SETD7: variants seen among roughly 807,000 people sequenced by gnomAD.
The protein encoded by SETD7 is SET domain containing 7, histone lysine methyltransferase, also known as histone-lysine N-methyltransferase SETD7.
In SETD7, 16 loss-of-function variants were observed where a neutral mutation model predicts 41.8. That is an observed-to-expected ratio of 0.38 (90% CI 0.26 to 0.58). The LOEUF is 0.58. Among genes scored for constraint, SETD7 ranks in the 20% least tolerant of loss-of-function variants. The pLI, the probability that SETD7 is intolerant of heterozygous loss-of-function variation, is 0.64. For missense variants in SETD7, 346 were observed against 459.7 expected (o/e 0.75, Z 2.26); for synonymous variants, 163 against 169.7 (o/e 0.96, Z 0.31).
At position 139,555,085 on chromosome 4, in the gene SETD7, A is replaced by G. The variant is rs1728217626; in HGVS notation, c.40+1013T>C. On this transcript the variant is annotated intron_variant, in intron 1 of 7. Transcript: ENST00000274031. This position sits in a 1 kb window ranked among gnomAD's most constrained non-coding sequence, Gnocchi z 4.0. Reference sequence around the variant, plus strand: ...GAGTGGAACCAAATAAATACGCTAAAGAGTATTTTCCAGTATTCGCTGTTA... The same window carrying G: ...GAGTGGAACCAAATAAATACGCTAAGGAGTATTTTCCAGTATTCGCTGTTA... 6.6e-6 allele frequency among the ~76,000 whole-genome samples: 1 copy of G among 152,002 alleles called. No individual in the cohort carries two copies. Among genetic ancestry groups the G allele is most frequent in the Admixed American group, 6.6e-5 (1 of 15,256 alleles).
chr4:139,521,846 CCT>C (rs1727187311), intron 5 of SETD7, among the ~76,000 whole-genome samples: 1 of 152,204 alleles, frequency 6.6e-6, no homozygotes, highest in Non-Finnish European at 1.5e-5. Flanking sequence ...GCTGTTGCTC[CCT>C]GTTTCTCTTG....
At chr4:139,548,128 T>C (rs950871297) in intron 1 of SETD7, 3 of 152,116 alleles carry the variant, frequency 2.0e-5, no homozygotes, top group African/African-American at 7.2e-5. Flanking sequence ...ACCTGGGTCA[T>C]GGAGAGAAAA....
chr4:139,553,903 TA>T (rs1728184047), intron 1 of SETD7, among the ~76,000 whole-genome samples: 1 of 152,182 alleles, frequency 6.6e-6, no homozygotes, highest in Non-Finnish European at 1.5e-5. Context: ...AGATGTTATG[TA>T]AAGACTATTG....
intron 7 of SETD7, 31 bp from the exon 8 acceptor site, chr4:139,511,874 G>C: frequency 6.3e-7 from 1 of 1,589,450 alleles, no homozygotes; most frequent in Non-Finnish European, 8.6e-7. Context: ...AGTCATTCCC[G>C]GGCCAGACCA....
chr4:139,497,009 T>C (rs977134601), intron 7 of SETD7, among the ~76,000 whole-genome samples: 3 of 152,234 alleles, frequency 2.0e-5, no homozygotes, highest in Non-Finnish European at 4.4e-5. Context: ...ACTCGTGTTT[T>C]ACAGATAACT....
intron 2 of SETD7, 110 bp from the exon 3 acceptor site, chr4:139,533,476 G>A (rs1274897622): frequency 3.3e-6 from 3 of 903,272 alleles, no homozygotes; most frequent in Non-Finnish European, 5.2e-6. Context: ...GCCCTGACAT[G>A]GATTCAGCGC....
intron 3 of SETD7, among the ~76,000 whole-genome samples, chr4:139,530,576 T>C (rs186421631): frequency 6.6e-6 from 1 of 152,326 alleles, no homozygotes; most frequent in African/African-American, 2.4e-5. Context: ...AGGCTTTTAG[T>C]GATGATTATT....
chr4:139,536,768 C>T (rs560044295), intron 2 of SETD7, among the ~76,000 whole-genome samples: 150 of 151,772 alleles, frequency 9.9e-4, no homozygotes, highest in Admixed American at 3.9e-3. Context: ...CTTTGGAGGC[C>T]GAGGCAGGAG....
intron 2 of SETD7, among the ~76,000 whole-genome samples, chr4:139,542,202 A>G (rs1217080867): frequency 2.0e-5 from 3 of 152,224 alleles, no homozygotes; most frequent in Non-Finnish European, 2.9e-5. Flanking sequence ...GATCTTACAG[A>G]AGTAGAGAAC....
intron 7 of SETD7, among the ~76,000 whole-genome samples, chr4:139,500,634 GAGTAGATGGGATTACA>G (rs1242636804): frequency 6.6e-6 from 1 of 152,140 alleles, no homozygotes; most frequent in African/African-American, 2.4e-5. Flanking sequence ...TCAGCCTCCT[GAGTAGATGGGATTACA>G]GGCATGCACC....
At chr4:139,554,141 C>T (rs1341895500) in intron 1 of SETD7, among the ~76,000 whole-genome samples, 1 of 152,216 alleles carries the variant, frequency 6.6e-6, no homozygotes, top group Admixed American at 6.5e-5. Context: ...CCTGCCCCAG[C>T]ATCATTATTA....
At chr4:139,544,453 G>A (rs896482874) in intron 2 of SETD7, among the ~76,000 whole-genome samples, 5 of 151,962 alleles carry the variant, frequency 3.3e-5, no homozygotes, top group African/African-American at 9.7e-5. Flanking sequence ...TGTTCATATC[G>A]TGACACACCT....
intron 7 of SETD7, 43 bp from the exon 8 acceptor site, chr4:139,511,886 G>A (rs781644826): frequency 1.7e-5 from 26 of 1,574,754 alleles, no homozygotes; most frequent in Non-Finnish European, 2.2e-5. Flanking sequence ...GCCAGACCAG[G>A]AGGTTGGAAG....
At chr4:139,550,293 T>C (rs1444358176) in intron 1 of SETD7, among the ~76,000 whole-genome samples, 1 of 152,182 alleles carries the variant, frequency 6.6e-6, no homozygotes, top group Non-Finnish European at 1.5e-5. Flanking sequence ...ACCTTGCACA[T>C]TAAGGAGGTG....
chr4:139,502,470 T>C (rs773976587), downstream of SETD7, among the ~76,000 whole-genome samples: 1 of 152,120 alleles, frequency 6.6e-6, no homozygotes, highest in South Asian at 2.1e-4. Context: ...GAGAAAGACA[T>C]GCCCAAGAGC....
chr4:139,531,216 A>G (rs1343928718), intron 3 of SETD7, among the ~76,000 whole-genome samples: 2 of 152,204 alleles, frequency 1.3e-5, no homozygotes, highest in Non-Finnish European at 2.9e-5. Flanking sequence ...AAATGTAGCT[A>G]TATTTTTGGT....
intron 7 of SETD7, among the ~76,000 whole-genome samples, chr4:139,516,123 T>C (rs1727017735): frequency 6.6e-6 from 1 of 152,096 alleles, no homozygotes; most frequent in African/African-American, 2.4e-5. Context: ...GGGAGACAAT[T>C]AGAGCCAAGG....
chr4:139,556,037 A>G, intron 1 of SETD7, 61 bp downstream of exon 1: 1 of 1,500,592 alleles, frequency 6.7e-7, no homozygotes, highest in Non-Finnish European at 9.0e-7. Flanking sequence ...GCAGCCCGCC[A>G]CTCCTTCCGC....
rs184309939 is a variant in SETD7, at chr4:139,536,757, C to A, written c.171-3391G>T. Among the ~76,000 whole-genome samples the A allele has an allele frequency of 1.2e-3, 183 of 150,962 alleles. 2 individuals are homozygous for A. The East Asian group carries it at 0.034, about 28-fold the overall frequency. The stretch of plus-strand genomic sequence containing the variant: ...GGTGGCTCATGCCTGTAATCCCAGC[C>A]CTTTGGAGGCCGAGGCAGGAGGATC... On this transcript the variant is annotated intron_variant, in intron 2 of 7. Coordinates refer to ENST00000274031, the MANE Select transcript of SETD7 (RefSeq NM_030648.4).
Sources: allele counts gnomAD v4.1 joint callset (sites outside exome capture counted in the v4.1 genomes callset), GRCh38; gene constraint gnomAD v4.1.1; non-coding constraint Gnocchi (gnomAD v3.1); transcripts MANE v1.5; gene names NCBI Gene and HGNC (gene_info 2026-07-23, HGNC 2026-07-21).